Variants in IGHMBP2 observed in about 807,000 individuals in gnomAD.
IGHMBP2 encodes DNA-binding protein SMUBP-2.
In IGHMBP2, 81 loss-of-function variants were observed where a neutral mutation model predicts 96.0. That is an observed-to-expected ratio of 0.84 (90% CI 0.71 to 1.01). IGHMBP2 has a LOEUF of 1.01. IGHMBP2 is among the 50% of genes least tolerant of loss of function. IGHMBP2 has a pLI of 0.00. For missense variants in IGHMBP2, 1,227 were observed against 1,306.3 expected, an observed-to-expected ratio of 0.94 and a Z score of 0.94; for synonymous variants, 557 against 548.9, an observed-to-expected ratio of 1.01 and a Z score of -0.21.
At position 68,939,839 on chromosome 11, in the gene IGHMBP2, G is replaced by C. The variant is rs1020096647; in HGVS notation, c.*108G>C. The C allele has an allele frequency of 4.1e-6, 5 of 1,221,738 alleles. No individual in the cohort carries two copies. The highest frequency in any genetic ancestry group is 1.5e-5 in the African/African-American group (1 of 65,894). The allele number at this position is 1,221,738 out of a possible 1,614,324, so 75.7% of individuals were successfully genotyped here. A position where few individuals can be genotyped will look rare whatever the true frequency, so the allele number is the denominator to read the frequency against. On this transcript the variant is annotated 3_prime_UTR_variant, in exon 15 of 15. Coordinates refer to ENST00000255078, the MANE Select transcript of IGHMBP2 (RefSeq NM_002180.3). ...GCCACAGAGGAGCGGAGGGGCCTAT[G>C]GGGGAGGAGCGGAGGGCCCTGTTGG...
At chr11:68,909,187 GA>G (rs60664487) in intron 4 of IGHMBP2, among the ~76,000 whole-genome samples, 6,817 of 56,336 alleles carry the variant, frequency 0.12, 418 homozygotes, top group African/African-American at 0.2. Context: ...GGGGGGGGTG[GA>G]GGGGGGGGGC....
chr11:68,929,298 CAGAA>C lies in IGHMBP2; in HGVS notation c.1179_1182del (p.Arg393SerfsTer29). 6.2e-7 allele frequency: 1 copy of C among 1,613,860 alleles called. No homozygotes were observed. The highest frequency in any genetic ancestry group is 1.1e-5 in the South Asian group (1 of 91,078). The stretch of plus-strand genomic sequence containing the variant: ...GCTGCTGGATCCCCCTGCTGAAGGC[CAGAA>C]AGTGCATCCTGGCGGGCGATCACAA... On this transcript the variant is annotated frameshift_variant, in exon 8 of 15. Transcript: ENST00000255078. LOFTEE classifies it high-confidence loss of function.
At chr11:68,915,166 C>CTTTATTTTTTTTTTT (rs1858605709) in intron 6 of IGHMBP2, 143 bp downstream of exon 6, 1 of 176,578 alleles carries the variant, frequency 5.7e-6, no homozygotes, top group Non-Finnish European at 9.5e-6. Flanking sequence ...TTGGGCTGCC[C>CTTTATTTTTTTTTTT]TTTTTTTTTT....
intron 8 of IGHMBP2, chr11:68,932,960 G>A (rs1291563443): frequency 3.6e-5 from 14 of 388,258 alleles, no homozygotes; most frequent in Non-Finnish European, 4.4e-5. Context: ...CTCTCCCCTC[G>A]GTGACCTTCT....
chr11:68,936,558 G>A lies in IGHMBP2; in HGVS notation c.2078G>A (p.Gly693Asp). Residue 693 changes from glycine to aspartate, a missense_variant, in exon 13 of 15, where the codon GGC becomes GAC. Gly to Asp is a moderately conservative substitution (Grantham distance 94). Coordinates refer to ENST00000255078, the MANE Select transcript of IGHMBP2 (RefSeq NM_002180.3). ...GQEAAAPARQ[G>D]RKKPAGKSLA... is the part of the protein sequence containing the mutation. Reference sequence around the variant, plus strand: ...GAGGCTGCAGCACCTGCCAGACAGGGCCGGAAGAAGCCGGCTGGGAAGTCT... The same window carrying A: ...GAGGCTGCAGCACCTGCCAGACAGGACCGGAAGAAGCCGGCTGGGAAGTCT... 6.2e-7 allele frequency: 1 copy of A among 1,612,090 alleles called. No homozygotes were observed. The highest frequency in any genetic ancestry group is 1.1e-5 in the South Asian group (1 of 91,050).
chr11:68,930,435 G>A (rs981497978), intron 8 of IGHMBP2: 7 of 1,289,412 alleles, frequency 5.4e-6, no homozygotes, highest in African/African-American at 4.6e-5. Context: ...GAGTTGGCGG[G>A]TATGTAGAGA....
At chr11:68,908,758 T>C (rs1858301804) in intron 4 of IGHMBP2, 127 bp downstream of exon 4, 2 of 708,816 alleles carry the variant, frequency 2.8e-6, no homozygotes, top group Admixed American at 2.1e-5. Flanking sequence ...CTGAACATCT[T>C]TGTAGGAGTG....
chr11:68,915,427 G>A (rs933687797), intron 6 of IGHMBP2, among the ~76,000 whole-genome samples: 4 of 151,484 alleles, frequency 2.6e-5, no homozygotes, highest in South Asian at 2.1e-4. Context: ...TGCTCTGCCC[G>A]CCTCGGCCTC....
chr11:68,907,539 A>G (rs1208761785), intron 2 of IGHMBP2, among the ~76,000 whole-genome samples: 1 of 152,144 alleles, frequency 6.6e-6, no homozygotes, highest in Non-Finnish European at 1.5e-5. Flanking sequence ...ACTTTTTACT[A>G]TGGAAGTGTC....
At chr11:68,927,539 T>G (rs1859120813) in intron 7 of IGHMBP2, among the ~76,000 whole-genome samples, 1 of 152,174 alleles carries the variant, frequency 6.6e-6, no homozygotes. Flanking sequence ...CCTGTACATG[T>G]GTGTGGCCTT....
chr11:68,928,191 G>A (rs996757292), intron 7 of IGHMBP2, among the ~76,000 whole-genome samples: 2 of 152,214 alleles, frequency 1.3e-5, no homozygotes, highest in Non-Finnish European at 2.9e-5. Flanking sequence ...AGCCCCACAA[G>A]GTCAGCTTGT....
intron 13 of IGHMBP2, 45 bp downstream of exon 13, chr11:68,937,136 G>T (rs1175050321): frequency 1.0e-5 from 16 of 1,594,890 alleles, no homozygotes; most frequent in African/African-American, 2.7e-5. Flanking sequence ...CCTCACTGGG[G>T]TGCTGGCCCC....
chr11:68,936,996 A>C lies in IGHMBP2; in HGVS notation c.2516A>C (p.Gln839Pro), dbSNP rs1401871819. The C allele has an allele frequency of 6.2e-7, 1 of 1,609,496 alleles. No homozygotes were observed. Among genetic ancestry groups the C allele is most frequent in the East Asian group, 2.2e-5 (1 of 44,876 alleles). Reference sequence around the variant, plus strand: ...AGGACGCTGCACCTGGAGAGACTGCAGAGGGTCAGGAGCGCGCAGGGGCAG... The same window carrying C: ...AGGACGCTGCACCTGGAGAGACTGCCGAGGGTCAGGAGCGCGCAGGGGCAG... ...DLRTLHLERL[Q>P]RVRSAQGQPA... The change falls in exon 13 of 15, where the codon CAG becomes CCG. Residue 839 changes from glutamine (Q) to proline (P), a missense_variant. Around this residue, in one of 3 missense-constraint regions of IGHMBP2, gnomAD observed 703 missense variants for 770.3 expected, o/e 0.91. Coordinates refer to ENST00000255078, the MANE Select transcript of IGHMBP2 (RefSeq NM_002180.3).
At chr11:68,934,916 G>C (rs1033267286) in intron 11 of IGHMBP2, among the ~76,000 whole-genome samples, 2 of 152,256 alleles carry the variant, frequency 1.3e-5, no homozygotes, top group African/African-American at 4.8e-5. Flanking sequence ...TCAGCCTTGA[G>C]CCTTGCTGGT....
intron 5 of IGHMBP2, among the ~76,000 whole-genome samples, chr11:68,912,120 AT>A (rs1858461980): frequency 6.6e-6 from 1 of 152,018 alleles, no homozygotes; most frequent in African/African-American, 2.4e-5. Context: ...TACATTTTAA[AT>A]TTTTTTTATT....
At chr11:68,925,540 A>G (rs1386101133) in intron 7 of IGHMBP2, among the ~76,000 whole-genome samples, 1 of 152,140 alleles carries the variant, frequency 6.6e-6, no homozygotes, top group Non-Finnish European at 1.5e-5. Context: ...AAATACATTT[A>G]TGGGGTCTTT....
intron 7 of IGHMBP2, among the ~76,000 whole-genome samples, chr11:68,920,069 T>C (rs1446935835): frequency 6.6e-6 from 1 of 152,204 alleles, no homozygotes; most frequent in Non-Finnish European, 1.5e-5. Flanking sequence ...CCTTTTTCCC[T>C]GTCCCAGATC....
intron 7 of IGHMBP2, among the ~76,000 whole-genome samples, chr11:68,925,051 G>C (rs1376355459): frequency 6.6e-6 from 1 of 151,812 alleles, no homozygotes; most frequent in Non-Finnish European, 1.5e-5. Context: ...ATATGGCCCT[G>C]GGAAGCCAAA....
intron 7 of IGHMBP2, among the ~76,000 whole-genome samples, chr11:68,922,615 C>T (rs1332471348): frequency 6.6e-6 from 1 of 152,152 alleles, no homozygotes; most frequent in East Asian, 1.9e-4. Flanking sequence ...AGGCTGCTCT[C>T]GAACTCCTGA....
Sources: gnomAD v4.1 joint callset for allele counts (sites outside exome capture counted in the v4.1 genomes callset) on GRCh38, gnomAD v4.1.1 for gene constraint, gnomAD v4.1.1 regional missense constraint, MANE v1.5 for transcripts, NCBI Gene and HGNC (gene_info 2026-07-23, HGNC 2026-07-21) for gene names.